Variants in RANBP17 observed in about 807,000 individuals in gnomAD.
The protein encoded by RANBP17 is RAN binding protein 17.
Under a neutral mutation model 141.2 loss-of-function variants are expected in RANBP17, and 158 were observed. The observed-to-expected ratio is 1.12, with a 90% CI of 0.98 to 1.28. The LOEUF is 1.28. Ranked by LOEUF, RANBP17 falls within the 50% of genes most tolerant of loss-of-function variation. The pLI is 0.00. For missense variants in RANBP17, 1,438 were observed against 1,290.7 expected, an observed-to-expected ratio of 1.11 and a Z score of -1.75; for synonymous variants, 430 against 450.0, an observed-to-expected ratio of 0.96 and a Z score of 0.56.
chr5:171,280,317 G>A (rs186114670), intron 25 of RANBP17, among the ~76,000 whole-genome samples: 5 of 151,980 alleles, frequency 3.3e-5, no homozygotes, highest in South Asian at 2.1e-4. Flanking sequence ...TCACCTTGTC[G>A]CCCAGGCTGG....
chr5:171,251,841 C>T, intron 24 of RANBP17: 3 of 1,304,376 alleles, frequency 2.3e-6, no homozygotes, highest in South Asian at 2.4e-5. Context: ...TCTCCAAATT[C>T]GCTTCCATCT....
chr5:171,187,151 G>A (rs2127931404), intron 18 of RANBP17, among the ~76,000 whole-genome samples: 1 of 152,258 alleles, frequency 6.6e-6, no homozygotes, highest in South Asian at 2.1e-4. Flanking sequence ...GGCCTGAGAA[G>A]ATGGAGAGAT....
intron 25 of RANBP17, among the ~76,000 whole-genome samples, chr5:171,278,514 A>G (rs1460328740): frequency 1.3e-5 from 2 of 152,138 alleles, no homozygotes; most frequent in Non-Finnish European, 2.9e-5. Flanking sequence ...AAAAATTTAT[A>G]AAGATGCTGG....
intron 27 of RANBP17, among the ~76,000 whole-genome samples, chr5:171,297,601 C>T (rs891448603): frequency 6.6e-6 from 1 of 151,552 alleles, no homozygotes; most frequent in African/African-American, 2.4e-5. Flanking sequence ...CAGAAAGGGA[C>T]AACCTCAGAA....
intron 14 of RANBP17, chr5:170,968,578 C>T: frequency 1.6e-6 from 1 of 621,300 alleles, no homozygotes; most frequent in Admixed American, 2.2e-5. Context: ...GATTGAGTGG[C>T]AGAGAGGTAA....
At chr5:171,060,484 G>A (rs1783742215) in intron 14 of RANBP17, among the ~76,000 whole-genome samples, 1 of 151,736 alleles carries the variant, frequency 6.6e-6, no homozygotes, top group South Asian at 2.1e-4. Flanking sequence ...TGCATATATT[G>A]AACCAGCCTT....
rs953131623 is a variant in RANBP17, at chr5:170,961,932, T to G, written c.1575-6310T>G. 3.3e-5 allele frequency among the ~76,000 whole-genome samples: 5 copies of G among 152,298 alleles called. No homozygotes were observed. In the East Asian group the frequency reaches 9.7e-4, roughly 29 times the overall value. On this transcript the variant is annotated intron_variant, in intron 13 of 27. Coordinates refer to ENST00000523189, the MANE Select transcript of RANBP17 (RefSeq NM_022897.5). ...GCCACTCTGAATAAAGACCAGATTT[T>G]CTAGGTTGTTTTGCAGCTAGGTATG...
chr5:170,988,175 T>G (rs1778275169), intron 14 of RANBP17, among the ~76,000 whole-genome samples: 1 of 151,648 alleles, frequency 6.6e-6, no homozygotes, highest in South Asian at 2.1e-4. Context: ...AAATTCTCAA[T>G]CATTATAAAA....
chr5:171,096,935 A>G (rs1171625835), intron 14 of RANBP17, among the ~76,000 whole-genome samples: 3 of 152,144 alleles, frequency 2.0e-5, no homozygotes, highest in African/African-American at 7.2e-5. Context: ...TCTTTAGTAC[A>G]AGAAGGATTA....
intron 14 of RANBP17, among the ~76,000 whole-genome samples, chr5:171,070,446 C>G (rs1038793673): frequency 2.6e-5 from 4 of 152,026 alleles, no homozygotes; most frequent in Admixed American, 2.0e-4. Context: ...GGAAAAGTTC[C>G]TAGAAATTAG....
At chr5:170,875,103 A>C (rs1581025519) in intron 1 of RANBP17, among the ~76,000 whole-genome samples, 1 of 152,264 alleles carries the variant, frequency 6.6e-6, no homozygotes, top group African/African-American at 2.4e-5. Context: ...GTTTGGCCAG[A>C]TATGACATTC....
At chr5:171,165,932 G>A (rs1759661799) in intron 14 of RANBP17, among the ~76,000 whole-genome samples, 1 of 152,120 alleles carries the variant, frequency 6.6e-6, no homozygotes, top group African/African-American at 2.4e-5. Context: ...CAGATGGGTA[G>A]GATTTGGGGT....
rs114520309 is a variant in RANBP17 at position 171,051,119 on chromosome 5, G to T, written c.1710+82742G>T. ...TGCTTTCAGGATTTCTTTTTTCTTG[G>T]CCTTAGTTTTCAGCAATATGTCAAA... On this transcript the variant is annotated intron_variant, in intron 14 of 27. Coordinates refer to ENST00000523189, the MANE Select transcript of RANBP17 (RefSeq NM_022897.5). 4.0e-3 allele frequency among the ~76,000 whole-genome samples: 603 copies of T among 151,890 alleles called. 7 individuals are homozygous for T. The highest frequency in any genetic ancestry group is 0.014 in the African/African-American group (578 of 41,438).
At chr5:171,153,282 A>G (rs1249240762) in intron 14 of RANBP17, among the ~76,000 whole-genome samples, 1 of 152,214 alleles carries the variant, frequency 6.6e-6, no homozygotes, top group African/African-American at 2.4e-5. Flanking sequence ...GGAACCAGCC[A>G]GTGTTTAGTT....
intron 18 of RANBP17, among the ~76,000 whole-genome samples, chr5:171,184,017 A>G (rs1377680195): frequency 6.6e-6 from 1 of 152,212 alleles, no homozygotes; most frequent in Non-Finnish European, 1.5e-5. Context: ...GAAAAGGCTT[A>G]AGTGAAATTC....
At chr5:171,293,748 T>C (rs1768648711) in intron 25 of RANBP17, 135 bp from the exon 26 acceptor site, 1 of 696,518 alleles carries the variant, frequency 1.4e-6, no homozygotes, top group South Asian at 1.6e-5. Context: ...TTCCAGAGTC[T>C]AGTCCGTTTG....
At chr5:171,155,745 A>C (rs114130738) in intron 14 of RANBP17, among the ~76,000 whole-genome samples, 2,762 of 152,288 alleles carry the variant, frequency 0.018, 89 homozygotes, top group African/African-American at 0.063. Context: ...GATGAAATGA[A>C]ACAAAGTTGT....
intron 14 of RANBP17, among the ~76,000 whole-genome samples, chr5:171,119,379 TATAAA>T (rs1488396156): frequency 6.6e-6 from 1 of 152,238 alleles, no homozygotes; most frequent in Non-Finnish European, 1.5e-5. Context: ...ATACTGACCT[TATAAA>T]ATGAGTTGGG....
intron 27 of RANBP17, 27 bp downstream of exon 27, chr5:171,296,041 T>G: frequency 6.2e-7 from 1 of 1,604,408 alleles, no homozygotes; most frequent in Non-Finnish European, 8.5e-7. Context: ...AGTGTGTCAC[T>G]GGGGGAAGTA....
Sources: gnomAD v4.1 joint callset for allele counts (sites outside exome capture counted in the v4.1 genomes callset) on GRCh38, gnomAD v4.1.1 for gene constraint, MANE v1.5 for transcripts, NCBI Gene and HGNC (gene_info 2026-07-23, HGNC 2026-07-21) for gene names.